MAP3K5: variants seen among roughly 807,000 people sequenced by gnomAD.
MAP3K5 encodes the protein mitogen-activated protein kinase kinase kinase 5, also known as ASK-1.
Under a neutral mutation model 158.7 loss-of-function variants are expected in MAP3K5, and 56 were observed. That is an observed-to-expected ratio of 0.35 (90% CI 0.28 to 0.44). MAP3K5 has a LOEUF of 0.44. MAP3K5 is among the 20% of genes least tolerant of loss of function. MAP3K5 has a pLI of 1.00. For synonymous variants in MAP3K5, 579 were observed against 601.7 expected, an observed-to-expected ratio of 0.96 and a Z score of 0.55; for missense variants, 1,294 against 1,674.8, an observed-to-expected ratio of 0.77 and a Z score of 3.97.
chr6:136,589,796 A>G (rs1455651317), intron 23 of MAP3K5, among the ~76,000 whole-genome samples: 1 of 152,178 alleles, frequency 6.6e-6, no homozygotes, highest in Non-Finnish European at 1.5e-5. Flanking sequence ...GATAGGCCTC[A>G]GGAGAAACCA....
intron 21 of MAP3K5, among the ~76,000 whole-genome samples, chr6:136,599,390 G>C (rs1775779882): frequency 6.6e-6 from 1 of 152,104 alleles, no homozygotes; most frequent in Non-Finnish European, 1.5e-5. Flanking sequence ...TGACTGACTA[G>C]AGTTCAGCAG....
At chr6:136,692,281 C>T (rs979307627) in intron 7 of MAP3K5, among the ~76,000 whole-genome samples, 9 of 152,060 alleles carry the variant, frequency 5.9e-5, no homozygotes, top group Non-Finnish European at 8.8e-5. Context: ...TTCTCCTCCT[C>T]TTAAGAGTAT....
chr6:136,644,330 C>T (rs1200748939), intron 11 of MAP3K5, among the ~76,000 whole-genome samples: 1 of 152,176 alleles, frequency 6.6e-6, no homozygotes, highest in Non-Finnish European at 1.5e-5. Flanking sequence ...GGACACACCA[C>T]AAGGAGGCGC....
chr6:136,734,379 C>T (rs1782360854), intron 1 of MAP3K5, among the ~76,000 whole-genome samples: 1 of 131,314 alleles, frequency 7.6e-6, no homozygotes, highest in East Asian at 2.4e-4. Flanking sequence ...GAGATCATGG[C>T]ACTGCACTCC....
chr6:136,607,184 G>A (rs73556253), intron 18 of MAP3K5, among the ~76,000 whole-genome samples: 83 of 152,058 alleles, frequency 5.5e-4, no homozygotes, highest in African/African-American at 1.9e-3. Context: ...AAAATGCATC[G>A]AAGCCTACCA....
At chr6:136,693,946 T>A (rs1780494207) in intron 7 of MAP3K5, among the ~76,000 whole-genome samples, 194 bp downstream of exon 7, 1 of 152,138 alleles carries the variant, frequency 6.6e-6, no homozygotes, top group Admixed American at 6.6e-5. Context: ...TAAGATCACA[T>A]GACTGCACTC....
intron 1 of MAP3K5, among the ~76,000 whole-genome samples, chr6:136,749,682 T>A (rs527765082): frequency 6.6e-5 from 10 of 152,240 alleles, no homozygotes; most frequent in South Asian, 2.1e-4. Context: ...GTCATTTTTT[T>A]AATCAGTCTT....
chr6:136,641,536 C>A (rs1421859524), intron 12 of MAP3K5, among the ~76,000 whole-genome samples: 1 of 151,824 alleles, frequency 6.6e-6, no homozygotes, highest in Non-Finnish European at 1.5e-5. Context: ...TTCTAAATCC[C>A]AAGAAATGGC....
chr6:136,690,370 G>A (rs1266559718), intron 7 of MAP3K5, among the ~76,000 whole-genome samples: 4 of 151,880 alleles, frequency 2.6e-5, no homozygotes, highest in Admixed American at 2.6e-4. Context: ...TTTACTCTAG[G>A]GTATATAAAT....
chr6:136,582,309 T>A (rs1583217674), intron 24 of MAP3K5, among the ~76,000 whole-genome samples: 1 of 139,464 alleles, frequency 7.2e-6, no homozygotes, highest in East Asian at 2.1e-4. Context: ...TGTGTGTGTG[T>A]CTGACCTGGC....
intron 1 of MAP3K5, among the ~76,000 whole-genome samples, chr6:136,782,892 A>G (rs1327161705): frequency 6.6e-6 from 1 of 152,222 alleles, no homozygotes; most frequent in East Asian, 1.9e-4. Flanking sequence ...TTGAACACTT[A>G]GACAAGATTT....
rs975007216 is a variant in MAP3K5, at chr6:136,659,208, C to T, written c.1526+11G>A. 2 of 1,608,356 alleles carry T rather than the reference C, an allele frequency of 1.2e-6. No homozygotes were observed. The highest frequency in any genetic ancestry group is 1.7e-6 in the Non-Finnish European group (2 of 1,175,598). On this transcript the variant is annotated intron_variant, in intron 9 of 29. Transcript: ENST00000359015. ...TATTAATTGTATCAACATATAATAG[C>T]TAATTATTACCATGCTGGTGTCTTC...
chr6:136,706,751 A>G (rs1450478418), intron 2 of MAP3K5, among the ~76,000 whole-genome samples: 1 of 152,144 alleles, frequency 6.6e-6, no homozygotes, highest in East Asian at 1.9e-4. Flanking sequence ...GCAAAGGAGC[A>G]TGTAAGATTT....
At chr6:136,756,265 C>T (rs556018350) in intron 1 of MAP3K5, among the ~76,000 whole-genome samples, 1 of 152,216 alleles carries the variant, frequency 6.6e-6, no homozygotes, top group East Asian at 1.9e-4. Flanking sequence ...TTGCAGTGAG[C>T]TGAGATGGTA....
intron 7 of MAP3K5, among the ~76,000 whole-genome samples, chr6:136,686,777 C>T (rs991025364): frequency 6.6e-6 from 1 of 152,058 alleles, no homozygotes; most frequent in Non-Finnish European, 1.5e-5. Flanking sequence ...TAAGAGAGGG[C>T]ACAAACAAAT....
chr6:136,685,411 C>G (rs1308122498), intron 7 of MAP3K5, among the ~76,000 whole-genome samples: 1 of 152,132 alleles, frequency 6.6e-6, no homozygotes, highest in Non-Finnish European at 1.5e-5. Flanking sequence ...GAAAATAGAT[C>G]ACATTAGAGA....
intron 1 of MAP3K5, among the ~76,000 whole-genome samples, chr6:136,774,142 C>T (rs1784317884): frequency 1.3e-5 from 2 of 152,188 alleles, no homozygotes. Flanking sequence ...ATGTCACCTC[C>T]TGTCCAATGT....
chr6:136,731,321 G>GATGC (rs1472134732), intron 1 of MAP3K5, among the ~76,000 whole-genome samples: 2 of 152,208 alleles, frequency 1.3e-5, no homozygotes, highest in Non-Finnish European at 2.9e-5. Context: ...TTACAAGCTT[G>GATGC]ATGCCTTAAA....
At chr6:136,632,171 G>A (rs1028282668) in intron 14 of MAP3K5, among the ~76,000 whole-genome samples, 2 of 152,160 alleles carry the variant, frequency 1.3e-5, no homozygotes, top group Non-Finnish European at 2.9e-5. Flanking sequence ...AAGGAAAGGG[G>A]AAGCTACAGC....
Sources: gnomAD v4.1 joint callset for allele counts (sites outside exome capture counted in the v4.1 genomes callset) on GRCh38, gnomAD v4.1.1 for gene constraint, MANE v1.5 for transcripts, NCBI Gene and HGNC (gene_info 2026-07-23, HGNC 2026-07-21) for gene names.